CCBE1: variants seen among roughly 807,000 people sequenced by gnomAD.
The protein encoded by CCBE1 is collagen and calcium-binding EGF domain-containing protein 1.
CCBE1 carries 37 observed loss-of-function variants against 50.0 expected under a neutral mutation model. The observed-to-expected ratio is 0.74, with a 90% CI of 0.57 to 0.97. The LOEUF (loss-of-function observed/expected upper bound fraction) is 0.97, where lower values mean the gene tolerates loss of function less well. Ranked by LOEUF, CCBE1 falls within the 50% of genes least tolerant of loss-of-function variation. The pLI is 0.00. For synonymous variants in CCBE1, 234 were observed against 203.7 expected, an observed-to-expected ratio of 1.15 and a Z score of -1.27; for missense variants, 538 against 523.8, an observed-to-expected ratio of 1.03 and a Z score of -0.26.
At chr18:59,510,193 T>C (rs993976367) in intron 2 of CCBE1, among the ~76,000 whole-genome samples, 2 of 152,320 alleles carry the variant, frequency 1.3e-5, no homozygotes, top group East Asian at 3.9e-4. Flanking sequence ...CCATTGATCC[T>C]TGCTGCTGTG....
chr18:59,695,610 T>C (rs1304272162), intron 2 of CCBE1, among the ~76,000 whole-genome samples: 1 of 152,196 alleles, frequency 6.6e-6, no homozygotes, highest in African/African-American at 2.4e-5. Flanking sequence ...AACCTTTGGG[T>C]ATATGAAATG....
At chr18:59,510,047 T>C (rs1914065255) in intron 2 of CCBE1, among the ~76,000 whole-genome samples, 2 of 152,198 alleles carry the variant, frequency 1.3e-5, no homozygotes, top group Non-Finnish European at 2.9e-5. Context: ...GGAGTTCAAA[T>C]TGTGAAATGT....
chr18:59,493,117 A>G (rs1460439221), intron 2 of CCBE1, among the ~76,000 whole-genome samples: 1 of 152,230 alleles, frequency 6.6e-6, no homozygotes, highest in African/African-American at 2.4e-5. Flanking sequence ...CAGGTCAGTC[A>G]CTTGAGAAAT....
At chr18:59,597,808 C>T (rs764526971) in intron 2 of CCBE1, among the ~76,000 whole-genome samples, 2 of 152,114 alleles carry the variant, frequency 1.3e-5, no homozygotes, top group South Asian at 2.1e-4. Context: ...TTATTACCAT[C>T]CAGATAACTG....
At chr18:59,693,010 A>C (rs1477806970) in intron 2 of CCBE1, among the ~76,000 whole-genome samples, 1 of 151,336 alleles carries the variant, frequency 6.6e-6, no homozygotes, top group Non-Finnish European at 1.5e-5. Context: ...ACACAAACAA[A>C]AAACGCAAAG....
intron 2 of CCBE1, among the ~76,000 whole-genome samples, chr18:59,582,034 AC>A (rs1031304946): frequency 3.3e-5 from 5 of 151,264 alleles, no homozygotes; most frequent in African/African-American, 1.2e-4. Flanking sequence ...CCCCTAAGAC[AC>A]CCCCCAGGTA....
At chr18:59,576,425 C>G (rs1229315775) in intron 2 of CCBE1, among the ~76,000 whole-genome samples, 1 of 152,144 alleles carries the variant, frequency 6.6e-6, no homozygotes, top group Non-Finnish European at 1.5e-5. Context: ...GGAAAATATT[C>G]AAGTCTGTAA....
At chr18:59,614,607 GC>G (rs1377599220) in intron 2 of CCBE1, among the ~76,000 whole-genome samples, 2 of 152,194 alleles carry the variant, frequency 1.3e-5, no homozygotes, top group Admixed American at 1.3e-4. Context: ...AGTCAATGAA[GC>G]CCAGAAGGAA....
At chr18:59,625,710 A>T (rs956966970) in intron 2 of CCBE1, among the ~76,000 whole-genome samples, 7 of 61,564 alleles carry the variant, frequency 1.1e-4, no homozygotes. Flanking sequence ...CTGTAGTTCT[A>T]AAATCAATCA....
chr18:59,645,833 C>T (rs969874033), intron 2 of CCBE1, among the ~76,000 whole-genome samples: 1 of 152,110 alleles, frequency 6.6e-6, no homozygotes, highest in Non-Finnish European at 1.5e-5. Context: ...AGATCGAGAC[C>T]ATCCTGGCTA....
chr18:59,568,210 T>G (rs892283074), intron 2 of CCBE1: 2 of 151,996 alleles, frequency 1.3e-5, no homozygotes, highest in African/African-American at 4.8e-5. Context: ...TCTGCCCTGT[T>G]GTAACAATGC....
intron 2 of CCBE1, among the ~76,000 whole-genome samples, chr18:59,653,325 CAG>C (rs1237708154): frequency 1.5e-4 from 23 of 152,310 alleles, no homozygotes; most frequent in African/African-American, 5.3e-4. Flanking sequence ...AGAAAGGAGA[CAG>C]ATATCAAAAT....
rs566839536 is a variant in CCBE1, at chr18:59,529,268, C to A, written c.213-49030G>T. ...GTCATGATCTGCCACAGCTGCTGTG[C>A]TGTGCTGTGGGGAATTCCTCCCAGG... On this transcript the variant is annotated intron_variant, in intron 2 of 10. Coordinates refer to ENST00000439986, the MANE Select transcript of CCBE1 (RefSeq NM_133459.4). Among the ~76,000 whole-genome samples the A allele has an allele frequency of 4.9e-4, 75 of 152,354 alleles. No individual in the cohort carries two copies. The Middle Eastern group carries it at 0.017, about 35-fold the overall frequency.
chr18:59,539,451 A>G (rs1325349885), intron 2 of CCBE1, among the ~76,000 whole-genome samples: 1 of 152,184 alleles, frequency 6.6e-6, no homozygotes, highest in South Asian at 2.1e-4. Flanking sequence ...TAGAACAGCT[A>G]TGGTTCAGCT....
rs552715102 is a variant in CCBE1, at chr18:59,526,063, G to A, written c.213-45825C>T. Among the ~76,000 whole-genome samples the A allele has an allele frequency of 2.0e-5, 3 of 152,214 alleles. No individual in the cohort carries two copies. In the East Asian group the frequency reaches 5.8e-4, roughly 29 times the overall value. ...GTTCTTTTTGCTTAAGATTGTCCTGGCTATATGGGATTTTGGTTCTATATG... is the reference window on the plus strand; with the variant it reads ...GTTCTTTTTGCTTAAGATTGTCCTGACTATATGGGATTTTGGTTCTATATG... On this transcript the variant is annotated intron_variant, in intron 2 of 10. Coordinates refer to ENST00000439986, the MANE Select transcript of CCBE1 (RefSeq NM_133459.4).
rs546322865 is a variant in CCBE1 at position 59,687,474 on chromosome 18, G to A, written c.212+9155C>T. Among the ~76,000 whole-genome samples, 4 of 152,178 alleles carry A rather than the reference G, an allele frequency of 2.6e-5. No homozygotes were observed. The East Asian group carries it at 7.7e-4, about 29-fold the overall frequency. ...CTATTACATCAAATGATGAATTCCA[G>A]TTTCCTAACTTTTCCCTTCCTTTGC... On this transcript the variant is annotated intron_variant, in intron 2 of 10. Transcript: ENST00000439986.
At chr18:59,666,393 C>T (rs11152168) in intron 2 of CCBE1, among the ~76,000 whole-genome samples, 28,928 of 152,140 alleles carry the variant, frequency 0.19, 4,125 homozygotes, top group East Asian at 0.69. Flanking sequence ...GGCAAAAGCA[C>T]TGACACTTCA....
At chr18:59,443,096 G>A (rs1401573069) in intron 7 of CCBE1, among the ~76,000 whole-genome samples, 1 of 152,194 alleles carries the variant, frequency 6.6e-6, no homozygotes, top group Non-Finnish European at 1.5e-5. Flanking sequence ...GATAATGGTT[G>A]TTTGCATGTG....
chr18:59,440,015 C>T (rs544183253), intron 7 of CCBE1, among the ~76,000 whole-genome samples, 199 bp from the exon 8 acceptor site: 51 of 152,324 alleles, frequency 3.3e-4, no homozygotes, highest in Admixed American at 2.9e-3. Flanking sequence ...CCTCTCTTTT[C>T]GCGGACTGCC....
Sources: allele counts gnomAD v4.1 joint callset (sites outside exome capture counted in the v4.1 genomes callset), GRCh38; gene constraint gnomAD v4.1.1; transcripts MANE v1.5; gene names NCBI Gene and HGNC (gene_info 2026-07-23, HGNC 2026-07-21).